PABPC4L: variants seen among roughly 807,000 people sequenced by gnomAD.
PABPC4L encodes the protein poly(A) binding protein cytoplasmic 4 like, also known as polyadenylate-binding protein 4-like.
For missense variants in PABPC4L, 452 were observed against 451.4 expected (o/e 1.00, Z -0.01); for synonymous variants, 169 against 164.1 (o/e 1.03, Z -0.23).
At chr4:134,081,117 T>C in the PABPC4L span, among the ~76,000 whole-genome samples, 4 of 152,142 alleles carry the variant, frequency 2.6e-5, no homozygotes, top group Admixed American at 2.6e-4. Context: ...ACAAGGAAGA[T>C]TTGAAAGTAA....
chr4:133,966,771 C>T, the PABPC4L span, among the ~76,000 whole-genome samples: 1 of 151,770 alleles, frequency 6.6e-6, no homozygotes, highest in African/African-American at 2.4e-5. Context: ...GACACAAAGA[C>T]ATAAGAATGA....
the PABPC4L span, among the ~76,000 whole-genome samples, chr4:134,187,122 G>T: frequency 6.6e-6 from 1 of 152,038 alleles, no homozygotes; most frequent in African/African-American, 2.4e-5. Flanking sequence ...AACCATTGCG[G>T]AAGACAGTGT....
At chr4:134,137,934 C>T in the PABPC4L span, among the ~76,000 whole-genome samples, 5 of 151,714 alleles carry the variant, frequency 3.3e-5, no homozygotes, top group African/African-American at 1.2e-4. Context: ...ACTCACTTAA[C>T]AAGGGACAGA....
At chr4:134,182,033 A>C in the PABPC4L span, among the ~76,000 whole-genome samples, 1 of 151,854 alleles carries the variant, frequency 6.6e-6, no homozygotes, top group African/African-American at 2.4e-5. Flanking sequence ...AAAACTCCCA[A>C]AGCAATTTGC....
the PABPC4L span, among the ~76,000 whole-genome samples, chr4:134,139,368 T>A: frequency 6.6e-6 from 1 of 151,952 alleles, no homozygotes; most frequent in African/African-American, 2.4e-5. Context: ...TGTTGCTGAC[T>A]GCTAGAAACT....
chr4:134,147,178 T>C, the PABPC4L span, among the ~76,000 whole-genome samples: 2 of 152,170 alleles, frequency 1.3e-5, no homozygotes, highest in Non-Finnish European at 2.9e-5. Context: ...AATTTCAGCT[T>C]GTGTTAGAAA....
At chr4:134,130,501 A>T in the PABPC4L span, among the ~76,000 whole-genome samples, 1 of 152,140 alleles carries the variant, frequency 6.6e-6, no homozygotes, top group Non-Finnish European at 1.5e-5. Context: ...AACTCTGAGC[A>T]GACAAATAAC....
At chr4:133,994,512 T>G in the PABPC4L span, among the ~76,000 whole-genome samples, 3 of 152,144 alleles carry the variant, frequency 2.0e-5, no homozygotes, top group African/African-American at 7.2e-5. Context: ...TGCTTGGCTG[T>G]GTGCACTTCC....
At chr4:134,041,218 T>A in the PABPC4L span, among the ~76,000 whole-genome samples, 1 of 152,134 alleles carries the variant, frequency 6.6e-6, no homozygotes, top group Non-Finnish European at 1.5e-5. Flanking sequence ...GCAATCTCAT[T>A]ACTGGGTATA....
the PABPC4L span, among the ~76,000 whole-genome samples, chr4:134,091,416 A>AT: frequency 6.6e-6 from 1 of 151,574 alleles, no homozygotes; most frequent in African/African-American, 2.4e-5. Context: ...ACTTATTGAA[A>AT]TTTTTCTTTG....
chr4:134,100,636 A>C, the PABPC4L span, among the ~76,000 whole-genome samples: 1 of 151,694 alleles, frequency 6.6e-6, no homozygotes, highest in East Asian at 1.9e-4. Context: ...GTACCCTCAA[A>C]CATACACCGA....
the PABPC4L span, among the ~76,000 whole-genome samples, chr4:134,050,727 A>AAAAAAAAAAAAAAAT: frequency 2.1e-5 from 3 of 145,694 alleles, no homozygotes; most frequent in Non-Finnish European, 3.0e-5. Context: ...AAAAAAAAAA[A>AAAAAAAAAAAAAAAT]GTGAAAGACA....
chr4:134,106,464 A>G, the PABPC4L span, among the ~76,000 whole-genome samples: 2 of 151,588 alleles, frequency 1.3e-5, no homozygotes, highest in Non-Finnish European at 1.5e-5. Flanking sequence ...AAAGAAAAAT[A>G]GAAGTGTAAG....
At chr4:134,057,009 A>G in the PABPC4L span, among the ~76,000 whole-genome samples, 5 of 152,010 alleles carry the variant, frequency 3.3e-5, no homozygotes, top group Non-Finnish European at 7.4e-5. Flanking sequence ...GTATAACATT[A>G]CCTAGAGGTT....
At chr4:134,192,134 T>C (rs1285286573), downstream of PABPC4L, among the ~76,000 whole-genome samples, 1 of 152,118 alleles carries the variant, frequency 6.6e-6, no homozygotes. Flanking sequence ...CATCAAGTGA[T>C]ATATGAATAA....
At chr4:134,192,490 A>T (rs1396181474), downstream of PABPC4L, among the ~76,000 whole-genome samples, 3 of 152,074 alleles carry the variant, frequency 2.0e-5, no homozygotes, top group African/African-American at 7.2e-5. Flanking sequence ...GTACATTAAA[A>T]ACCAGTAAAT....
chr4:134,135,781 G>A, the PABPC4L span, among the ~76,000 whole-genome samples: 13 of 151,948 alleles, frequency 8.6e-5, no homozygotes, highest in South Asian at 1.2e-3. Context: ...TGTAGTGGGC[G>A]GAGATAGCAC....
At chr4:134,168,491 A>G in the PABPC4L span, among the ~76,000 whole-genome samples, 2 of 151,888 alleles carry the variant, frequency 1.3e-5, no homozygotes, top group African/African-American at 4.8e-5. Flanking sequence ...TGGTTTCTTG[A>G]AAAGATAAAC....
the PABPC4L span, among the ~76,000 whole-genome samples, chr4:133,999,574 C>T: frequency 6.6e-6 from 1 of 152,068 alleles, no homozygotes; most frequent in Non-Finnish European, 1.5e-5. Flanking sequence ...TTGTAGTAGA[C>T]AAGAGAAGGC....
Sources: gnomAD v4.1 joint callset for allele counts (sites outside exome capture counted in the v4.1 genomes callset) on GRCh38, gnomAD v4.1.1 for gene constraint, MANE v1.5 for transcripts, NCBI Gene and HGNC (gene_info 2026-07-23, HGNC 2026-07-21) for gene names.